The following GHR variants were observed in gnomAD, a reference collection of about 807,000 sequenced individuals.
GHR encodes the protein growth hormone receptor.
A neutral mutation model predicts 67.1 loss-of-function variants in GHR; 35 were observed. The observed-to-expected ratio is 0.52, with a 90% CI of 0.40 to 0.69. GHR has a LOEUF of 0.69. Among genes scored for constraint, GHR ranks in the 30% least tolerant of loss-of-function variants. The pLI, the probability that GHR is intolerant of heterozygous loss-of-function variation, is 0.00. For synonymous variants in GHR, 272 were observed against 269.1 expected, an observed-to-expected ratio of 1.01 and a Z score of -0.10; for missense variants, 792 against 764.6, an observed-to-expected ratio of 1.04 and a Z score of -0.42.
At position 42,638,141 on chromosome 5, in the gene GHR, G is replaced by T. The variant is rs55654289; in HGVS notation, c.136+9038G>T. On this transcript the variant is annotated intron_variant, in intron 3 of 9. Coordinates refer to ENST00000230882, the MANE Select transcript of GHR (RefSeq NM_000163.5). ...TTTTTAGTAGAGACGGGATTTCACC[G>T]TGTTGGTCAGGCTGGTCTCGAACTC... is the stretch of plus-strand genomic sequence containing the variant. 2.3e-3 allele frequency among the ~76,000 whole-genome samples: 346 copies of T among 151,984 alleles called. 2 individuals carry two copies. Among genetic ancestry groups the T allele is most frequent in the African/African-American group, 8.0e-3 (330 of 41,394 alleles).
intron 1 of GHR, among the ~76,000 whole-genome samples, chr5:42,507,419 G>C (rs1054545882): frequency 6.6e-6 from 1 of 152,196 alleles, no homozygotes; most frequent in African/African-American, 2.4e-5. Flanking sequence ...CTAAATGAAT[G>C]AATGAATGAT....
intron 1 of GHR, among the ~76,000 whole-genome samples, chr5:42,481,199 A>G (rs992296744): frequency 3.9e-5 from 6 of 152,140 alleles, no homozygotes; most frequent in Admixed American, 1.3e-4. Flanking sequence ...TTTCTTTAAG[A>G]ATGTTGAATA....
intron 1 of GHR, among the ~76,000 whole-genome samples, chr5:42,491,083 T>A (rs1373101595): frequency 2.0e-5 from 3 of 152,154 alleles, no homozygotes; most frequent in Non-Finnish European, 4.4e-5. Context: ...ACACTGGAGC[T>A]TATGCTGTGA....
At chr5:42,682,987 C>A (rs1756961028) in intron 3 of GHR, among the ~76,000 whole-genome samples, 1 of 151,442 alleles carries the variant, frequency 6.6e-6, no homozygotes, top group Non-Finnish European at 1.5e-5. Context: ...TTCAGTTCCT[C>A]AAAGGTTTTT....
At chr5:42,689,790 G>T (rs1757337929) in intron 4 of GHR, among the ~76,000 whole-genome samples, 1 of 152,162 alleles carries the variant, frequency 6.6e-6, no homozygotes, top group South Asian at 2.1e-4. Context: ...GTGGTGGAAA[G>T]CTGTAGGTGT....
At chr5:42,672,701 G>T (rs866234202) in intron 3 of GHR, among the ~76,000 whole-genome samples, 1 of 151,988 alleles carries the variant, frequency 6.6e-6, no homozygotes, top group African/African-American at 2.4e-5. Flanking sequence ...CTATAAGAAT[G>T]TAATATTCAA....
intron 1 of GHR, among the ~76,000 whole-genome samples, chr5:42,428,642 C>T (rs528603843): frequency 1.4e-4 from 21 of 152,256 alleles, no homozygotes; most frequent in African/African-American, 5.1e-4. Flanking sequence ...CTGCCAGATA[C>T]CCTAAATAAT....
chr5:42,529,999 CTTT>C (rs376534691), intron 1 of GHR, among the ~76,000 whole-genome samples: 961 of 57,610 alleles, frequency 0.017, 4 homozygotes, highest in African/African-American at 0.062. Flanking sequence ...TGAATCACTT[CTTT>C]TTTTTTTTTT....
intron 2 of GHR, among the ~76,000 whole-genome samples, chr5:42,603,905 A>G (rs1390255255): frequency 6.6e-6 from 1 of 152,100 alleles, no homozygotes; most frequent in East Asian, 1.9e-4. Context: ...TGCAAACCCC[A>G]GGTTATTTTG....
At chr5:42,620,899 C>T (rs1318898951) in intron 2 of GHR, among the ~76,000 whole-genome samples, 2 of 152,152 alleles carry the variant, frequency 1.3e-5, no homozygotes, top group Non-Finnish European at 2.9e-5. Context: ...TTCTGTCATT[C>T]TCCCTTACAT....
At chr5:42,514,301 T>C (rs1228800696) in intron 1 of GHR, 1 of 983,390 alleles carries the variant, frequency 1.0e-6, no homozygotes, top group Non-Finnish European at 1.2e-6. Flanking sequence ...GAGTCCATAT[T>C]GGGAAGATAA....
chr5:42,503,955 A>T (rs1473807241), intron 1 of GHR, among the ~76,000 whole-genome samples: 1 of 152,160 alleles, frequency 6.6e-6, no homozygotes, highest in Non-Finnish European at 1.5e-5. Context: ...AAAAGAAAAG[A>T]GGGGAGCTTT....
At position 42,622,933 on chromosome 5, in the gene GHR, A is replaced by T. The variant is rs1299088190; in HGVS notation, c.71-6105A>T. ...CATGCAGCCTGCACCAGGAGGGCCT[A>T]AATGGTCTAGCTGGGTTTATGACAA... On this transcript the variant is annotated intron_variant, in intron 2 of 9. Coordinates refer to ENST00000230882, the MANE Select transcript of GHR (RefSeq NM_000163.5). Among the ~76,000 whole-genome samples, 4 of 152,146 alleles carry T rather than the reference A, an allele frequency of 2.6e-5. No individual in the cohort carries two copies. In the East Asian group the frequency reaches 7.7e-4, roughly 29 times the overall value.
intron 6 of GHR, 53 bp from the exon 7 acceptor site, chr5:42,711,154 G>T: frequency 7.7e-7 from 1 of 1,300,304 alleles, no homozygotes; most frequent in Non-Finnish European, 1.1e-6. Flanking sequence ...AGTGTTCATT[G>T]CATTGAGTTG....
In GHR at chr5:42,568,980, T is replaced by C. The variant is rs961657155; in HGVS notation, c.70+3036T>C. ...ACACCAAGAATTACAATATCAGGCATTGTATATTAACTATCAAAATGGCTT... is the reference window on the plus strand; with the variant it reads ...ACACCAAGAATTACAATATCAGGCACTGTATATTAACTATCAAAATGGCTT... On this transcript the variant is annotated intron_variant, in intron 2 of 9. Transcript: ENST00000230882. 2.0e-5 allele frequency among the ~76,000 whole-genome samples: 3 copies of C among 152,218 alleles called. No individual in the cohort carries two copies. In the South Asian group the frequency reaches 6.2e-4, roughly 32 times the overall value.
intron 3 of GHR, among the ~76,000 whole-genome samples, chr5:42,668,276 T>C (rs1342636325): frequency 6.6e-6 from 1 of 152,210 alleles, no homozygotes; most frequent in African/African-American, 2.4e-5. Context: ...TCGGTACATA[T>C]TTAAATTTTG....
rs1167019463 is a variant in GHR at position 42,614,987 on chromosome 5, A to G, written c.71-14051A>G. 2.0e-5 allele frequency among the ~76,000 whole-genome samples: 3 copies of G among 152,094 alleles called. No individual in the cohort carries two copies. The East Asian group carries it at 5.8e-4, about 29-fold the overall frequency. ...TCCAAAGCCCCTCCCTTGACCCAGT[A>G]GTAGCAAATGGAGCCACAGTGATGG... On this transcript the variant is annotated intron_variant, in intron 2 of 9. Coordinates refer to ENST00000230882, the MANE Select transcript of GHR (RefSeq NM_000163.5).
intron 6 of GHR, among the ~76,000 whole-genome samples, chr5:42,708,712 G>A (rs1481786392): frequency 6.6e-6 from 1 of 152,136 alleles, no homozygotes; most frequent in East Asian, 1.9e-4. Flanking sequence ...TAAAAGCCAT[G>A]GCATATAGTT....
At position 42,719,233 on chromosome 5, in the gene GHR, G is replaced by A. The variant is rs1271154938; in HGVS notation, c.1726G>A (p.Ala576Thr). The change falls in exon 10 of 10, where the codon GCT becomes ACT. Residue 576 changes from alanine (A) to threonine (T), a missense_variant. Physicochemically the swap from Ala to Thr is moderately conservative, Grantham distance 58 (BLOSUM62 0). Transcript: ENST00000230882. ...CACCACAGAAAGCCTTACCACTGCT[G>A]CTGGGAGGCCTGGGACAGGAGAACA... The part of the protein sequence containing the change: ...YITTESLTTA[A>T]GRPGTGEHVP... 1.2e-6 allele frequency: 2 copies of A among 1,614,034 alleles called. No homozygotes were observed. The highest frequency in any genetic ancestry group is 1.7e-6 in the Non-Finnish European group (2 of 1,179,928).
Sources: gnomAD v4.1 joint callset for allele counts (sites outside exome capture counted in the v4.1 genomes callset) on GRCh38, gnomAD v4.1.1 for gene constraint, MANE v1.5 for transcripts, NCBI Gene and HGNC (gene_info 2026-07-23, HGNC 2026-07-21) for gene names.